Variants in PKD2L2 observed in about 807,000 individuals in gnomAD.
The protein encoded by PKD2L2 is polycystin-2-like protein 2.
In PKD2L2, 67 loss-of-function variants were observed where a neutral mutation model predicts 83.9. The ratio of observed to expected loss-of-function variants is 0.80; its 90% CI spans 0.66 to 0.98. The LOEUF (loss-of-function observed/expected upper bound fraction) is 0.98, where lower values mean the gene tolerates loss of function less well. Among genes scored for constraint, PKD2L2 ranks in the 50% least tolerant of loss-of-function variants. The probability of loss-of-function intolerance (pLI) is 0.00; values close to 1 mark genes in which losing one functional copy is unlikely to be tolerated. For missense variants in PKD2L2, 632 were observed against 717.2 expected (o/e 0.88, Z 1.36); for synonymous variants, 223 against 237.8 (o/e 0.94, Z 0.57).
chr5:137,911,737 C>T (rs1481150452), intron 8 of PKD2L2, among the ~76,000 whole-genome samples: 3 of 152,142 alleles, frequency 2.0e-5, no homozygotes, highest in Non-Finnish European at 4.4e-5. Flanking sequence ...CCATGCTATA[C>T]AGTAGATCTC....
intron 14 of PKD2L2, chr5:137,940,625 T>G (rs540195923): frequency 3.1e-6 from 1 of 322,578 alleles, no homozygotes; most frequent in Admixed American, 4.6e-5. Context: ...TAACAGGACA[T>G]CCAGTGCTAG....
rs752686091 is a variant in PKD2L2 at position 137,899,472 on chromosome 5, G to A, written c.525-44G>A. 9.5e-6 allele frequency: 12 copies of A among 1,265,532 alleles called. No homozygotes were observed. The South Asian group carries it at 1.4e-4, about 15-fold the overall frequency. The allele number at this position is 1,265,532 out of a possible 1,614,324, so 78.4% of individuals were successfully genotyped here. On this transcript the variant is annotated intron_variant, in intron 4 of 14. Coordinates refer to ENST00000508883, the MANE Select transcript of PKD2L2 (RefSeq NM_001300921.2). The stretch of plus-strand genomic sequence containing the variant: ...ATTTAAATTCTTAGAATACTTCTCA[G>A]TTGGGCTTTGTCATTTCACCATTAT...
At chr5:137,918,967 T>A (rs1010323) in intron 8 of PKD2L2, among the ~76,000 whole-genome samples, 53,010 of 147,862 alleles carry the variant, frequency 0.36, 10,334 homozygotes, top group East Asian at 0.61. Flanking sequence ...TGTGTGTGTG[T>A]GAGTGTGTGT....
intron 5 of PKD2L2, among the ~76,000 whole-genome samples, chr5:137,900,296 G>A (rs1282752175): frequency 6.6e-6 from 1 of 152,130 alleles, no homozygotes; most frequent in Non-Finnish European, 1.5e-5. Flanking sequence ...TGTCTCTCCA[G>A]TAAATTGTGT....
chr5:137,908,872 C>T lies in PKD2L2; in HGVS notation c.1254C>T (p.Phe418=). 6.2e-7 allele frequency: 1 copy of T among 1,607,666 alleles called. No individual in the cohort carries two copies. The highest frequency in any genetic ancestry group is 8.5e-7 in the Non-Finnish European group (1 of 1,174,818). The change falls in exon 8 of 15, where the codon TTC becomes TTT. Residue 418 remains phenylalanine, a synonymous_variant. Coordinates refer to ENST00000508883, the MANE Select transcript of PKD2L2 (RefSeq NM_001300921.2). ...TTGCCATCATGTTTTTTATAATATTCTTTGCTTATGCCCAGTTAGGATTTC... is the reference window on the plus strand; with the variant it reads ...TTGCCATCATGTTTTTTATAATATTTTTTGCTTATGCCCAGTTAGGATTTC... ...VGFAIMFFII[F]FAYAQLGFLV... is the part of the protein sequence containing the mutation.
intron 2 of PKD2L2, among the ~76,000 whole-genome samples, chr5:137,890,944 T>C (rs1755918371): frequency 1.3e-5 from 2 of 152,218 alleles, no homozygotes; most frequent in Non-Finnish European, 2.9e-5. Context: ...CAGCTGAGTT[T>C]CATAAATCAA....
At chr5:137,924,290 AGT>A (rs1424914567) in intron 10 of PKD2L2, among the ~76,000 whole-genome samples, 56 of 152,186 alleles carry the variant, frequency 3.7e-4, no homozygotes, top group African/African-American at 1.4e-3. Flanking sequence ...ATTTTACTAT[AGT>A]CTCTACCTTT....
At chr5:137,894,265 C>A in intron 3 of PKD2L2, 88 bp from the exon 4 acceptor site, 1 of 1,154,362 alleles carries the variant, frequency 8.7e-7, no homozygotes, top group Non-Finnish European at 1.2e-6. Context: ...GATTTTCATA[C>A]TCAAAATCTC....
chr5:137,905,667 T>C (rs1310732220), intron 5 of PKD2L2, among the ~76,000 whole-genome samples: 1 of 152,202 alleles, frequency 6.6e-6, no homozygotes, highest in Non-Finnish European at 1.5e-5. Flanking sequence ...TGTTTGCATA[T>C]AGATCTTTGT....
chr5:137,909,126 A>G (rs1487629567), intron 8 of PKD2L2, among the ~76,000 whole-genome samples, 180 bp downstream of exon 8: 1 of 151,744 alleles, frequency 6.6e-6, no homozygotes, highest in Non-Finnish European at 1.5e-5. Context: ...TGAAGCCTCA[A>G]ACTTCTGGAC....
At chr5:137,915,840 T>C in intron 8 of PKD2L2, among the ~76,000 whole-genome samples, 1 of 152,224 alleles carries the variant, frequency 6.6e-6, no homozygotes, top group East Asian at 1.9e-4. Flanking sequence ...TAATTGCTCA[T>C]GTATTTACCT....
chr5:137,900,181 G>C (rs1221003945), intron 5 of PKD2L2, among the ~76,000 whole-genome samples: 1 of 152,158 alleles, frequency 6.6e-6, no homozygotes. Flanking sequence ...CTGTACTAGT[G>C]TAAGAATTTT....
intron 5 of PKD2L2, among the ~76,000 whole-genome samples, chr5:137,905,596 A>G (rs1282751266): frequency 6.6e-6 from 1 of 152,226 alleles, no homozygotes; most frequent in African/African-American, 2.4e-5. Flanking sequence ...GGAGAACACC[A>G]GAGATACAGT....
intron 8 of PKD2L2, among the ~76,000 whole-genome samples, chr5:137,915,253 G>A (rs977181882): frequency 4.6e-5 from 7 of 152,060 alleles, no homozygotes. Context: ...GGTAATGCTG[G>A]CCATGTAAAA....
Position 137,908,952 on chromosome 5 carries a change from C to G in PKD2L2, c.1328+6C>G. 6 of 1,558,710 alleles carry G rather than the reference C, an allele frequency of 3.8e-6. No individual in the cohort carries two copies. The highest frequency in any genetic ancestry group is 5.3e-6 in the Non-Finnish European group (6 of 1,138,184). On this transcript the variant is annotated splice_donor_region_variant and intron_variant, in intron 8 of 14. Coordinates refer to ENST00000508883, the MANE Select transcript of PKD2L2 (RefSeq NM_001300921.2). ...TCCACTTTTCAGAATTCCATGTAAG[C>G]TCTTAGTATAAATGTAATTATATCT...
At chr5:137,908,608 G>T (rs1489466616) in intron 7 of PKD2L2, among the ~76,000 whole-genome samples, 157 bp from the exon 8 acceptor site, 1 of 151,550 alleles carries the variant, frequency 6.6e-6, no homozygotes, top group Non-Finnish European at 1.5e-5. Context: ...AAAAACAGAA[G>T]TTTGGCCTTG....
intron 3 of PKD2L2, 63 bp downstream of exon 3, chr5:137,892,676 C>G: frequency 1.6e-6 from 2 of 1,239,326 alleles, no homozygotes; most frequent in South Asian, 2.8e-5. Context: ...TTGGCATACA[C>G]AGTGGGCACT....
chr5:137,899,900 G>A (rs1756807270), intron 5 of PKD2L2, among the ~76,000 whole-genome samples, 163 bp downstream of exon 5: 1 of 151,596 alleles, frequency 6.6e-6, no homozygotes, highest in Non-Finnish European at 1.5e-5. Flanking sequence ...GAACCTTTGT[G>A]ACAATTTGAA....
intron 8 of PKD2L2, among the ~76,000 whole-genome samples, chr5:137,920,846 A>G (rs943809774): frequency 6.6e-6 from 1 of 152,192 alleles, no homozygotes; most frequent in Non-Finnish European, 1.5e-5. Flanking sequence ...CAAGTGACAA[A>G]TTGTTGGCAT....
Sources: gnomAD v4.1 joint callset for allele counts (sites outside exome capture counted in the v4.1 genomes callset) on GRCh38, gnomAD v4.1.1 for gene constraint, MANE v1.5 for transcripts, NCBI Gene and HGNC (gene_info 2026-07-23, HGNC 2026-07-21) for gene names.